LMO1: variants seen among roughly 807,000 people sequenced by gnomAD.
LMO1 encodes LIM domain only 1.
In LMO1, 10 loss-of-function variants were observed where a neutral mutation model predicts 18.0. The ratio of observed to expected loss-of-function variants is 0.55; its 90% CI spans 0.34 to 0.94. The LOEUF (loss-of-function observed/expected upper bound fraction) is 0.94, where lower values mean the gene tolerates loss of function less well. Ranked by LOEUF, LMO1 falls within the 40% of genes least tolerant of loss-of-function variation. The pLI is 0.02. For missense variants in LMO1, 183 were observed against 205.7 expected (o/e 0.89, Z 0.68); for synonymous variants, 77 against 77.9 (o/e 0.99, Z 0.06).
At chr11:8,262,749 C>T (rs970573882) in intron 1 of LMO1, among the ~76,000 whole-genome samples, 1 of 152,188 alleles carries the variant, frequency 6.6e-6, no homozygotes. Context: ...AGGCGGCTCT[C>T]TTTCTCACCG....
chr11:8,228,280 G>A lies in LMO1; in HGVS notation c.240-1180C>T, dbSNP rs927943239. 5.9e-5 allele frequency among the ~76,000 whole-genome samples: 9 copies of A among 152,224 alleles called. No homozygotes were observed. The East Asian group carries it at 1.5e-3, about 26-fold the overall frequency. ...ATGTCCCAATGGTCTGAGCCATCCC[G>A]GCTCCTCCTTGCTTCTTTCCTGCAC... On this transcript the variant is annotated intron_variant, in intron 2 of 3. Transcript: ENST00000335790.
intron 1 of LMO1, among the ~76,000 whole-genome samples, chr11:8,246,039 G>A (rs780668236): frequency 1.3e-5 from 2 of 152,066 alleles, no homozygotes; most frequent in Non-Finnish European, 2.9e-5. Context: ...ATCACCAAGC[G>A]GATAGTGCTA....
intron 2 of LMO1, among the ~76,000 whole-genome samples, chr11:8,229,501 G>T (rs1215762984): frequency 6.6e-6 from 1 of 152,226 alleles, no homozygotes; most frequent in Admixed American, 6.5e-5. Context: ...GCCAAATGCA[G>T]GTGCTGGGTC....
chr11:8,250,891 T>G (rs1358952867), intron 1 of LMO1, among the ~76,000 whole-genome samples: 1 of 152,232 alleles, frequency 6.6e-6, no homozygotes, highest in Non-Finnish European at 1.5e-5. Context: ...TTCCACTCAC[T>G]GGCCTCCAGG....
At chr11:8,252,269 G>C (rs973381557) in intron 1 of LMO1, among the ~76,000 whole-genome samples, 5 of 152,188 alleles carry the variant, frequency 3.3e-5, no homozygotes, top group Non-Finnish European at 5.9e-5. Flanking sequence ...CCTCCCAAGG[G>C]TGTTGTGAAG....
intron 1 of LMO1, among the ~76,000 whole-genome samples, chr11:8,242,959 C>T (rs567062730): frequency 6.6e-6 from 1 of 152,318 alleles, no homozygotes; most frequent in East Asian, 1.9e-4. Flanking sequence ...AAGAGGGGAC[C>T]CTCCCGGCAA....
chr11:8,226,809 A>G, intron 3 of LMO1, 166 bp downstream of exon 3: 5 of 1,315,996 alleles, frequency 3.8e-6, no homozygotes, highest in Non-Finnish European at 5.0e-6. Context: ...GCTTACACAC[A>G]CATAAAACAC....
At chr11:8,245,705 T>C (rs1229810822) in intron 1 of LMO1, among the ~76,000 whole-genome samples, 1 of 152,256 alleles carries the variant, frequency 6.6e-6, no homozygotes, top group Non-Finnish European at 1.5e-5. Context: ...CATGTACTAT[T>C]CATTTGAATT....
chr11:8,237,834 G>A (rs1454758003), intron 1 of LMO1, among the ~76,000 whole-genome samples: 1 of 152,276 alleles, frequency 6.6e-6, no homozygotes, highest in African/African-American at 2.4e-5. Flanking sequence ...CCCTGAGACT[G>A]TGGGCCCTGC....
chr11:8,245,121 A>G (rs965223429), intron 1 of LMO1, among the ~76,000 whole-genome samples: 22 of 152,176 alleles, frequency 1.4e-4, no homozygotes, highest in African/African-American at 5.3e-4. Context: ...GGATGGGGAA[A>G]CTGAGGCTCA....
intron 2 of LMO1, among the ~76,000 whole-genome samples, chr11:8,228,542 G>C (rs562752285): frequency 6.6e-6 from 1 of 152,100 alleles, no homozygotes; most frequent in Admixed American, 6.6e-5. Context: ...TGCAGAGGGC[G>C]CAGGCTCTGG....
chr11:8,239,316 C>G (rs182151324), intron 1 of LMO1, among the ~76,000 whole-genome samples: 2 of 152,312 alleles, frequency 1.3e-5, no homozygotes, highest in African/African-American at 2.4e-5. Flanking sequence ...GGCACTGTCT[C>G]TGGGTGGACC....
chr11:8,245,097 T>C (rs1846872396), intron 1 of LMO1, among the ~76,000 whole-genome samples: 1 of 152,218 alleles, frequency 6.6e-6, no homozygotes, highest in Non-Finnish European at 1.5e-5. Flanking sequence ...TTGTAATTAT[T>C]GCTTCCATTT....
At chr11:8,238,159 T>A (rs1049043121) in intron 1 of LMO1, among the ~76,000 whole-genome samples, 8 of 152,142 alleles carry the variant, frequency 5.3e-5, no homozygotes, top group African/African-American at 1.2e-4. Flanking sequence ...GAAAACAACA[T>A]AAATGTCCAT....
intron 1 of LMO1, among the ~76,000 whole-genome samples, chr11:8,236,147 C>G (rs1200236249): frequency 6.6e-6 from 1 of 152,066 alleles, no homozygotes; most frequent in African/African-American, 2.4e-5. Flanking sequence ...CTCCAGGACC[C>G]TCTGGCTGCT....
chr11:8,268,521 C>G, upstream of LMO1: 1 of 1,256,358 alleles, frequency 8.0e-7, no homozygotes, highest in Non-Finnish European at 1.0e-6. Context: ...CGCCGCCGGC[C>G]GCCTGCGCTG....
Position 8,224,495 on chromosome 11 carries a change from A to G in LMO1, c.*121T>C. The stretch of plus-strand genomic sequence containing the variant: ...CCATCCCTCCCATCGAGGACGGAGA[A>G]GTTCTAATGTGGCAGGAGAGCGGCT... On this transcript the variant is annotated 3_prime_UTR_variant, in exon 4 of 4. Transcript: ENST00000335790. The G allele has an allele frequency of 1.5e-6, 1 of 647,562 alleles. No homozygotes were observed. Among genetic ancestry groups the G allele is most frequent in the Non-Finnish European group, 2.8e-6 (1 of 362,550 alleles). 40.1% of individuals were successfully genotyped at this position (647,562 alleles called of 1,614,324 possible). A position where few individuals can be genotyped will look rare whatever the true frequency, so the allele number is the denominator to read the frequency against.
intron 3 of LMO1, 102 bp downstream of exon 3, chr11:8,226,873 A>G: frequency 6.8e-7 from 1 of 1,462,530 alleles, no homozygotes. Context: ...CACACACGCA[A>G]CCCGCATTTG....
chr11:8,265,001 T>C (rs1200157738), upstream of LMO1, among the ~76,000 whole-genome samples: 1 of 152,234 alleles, frequency 6.6e-6, no homozygotes, highest in Non-Finnish European at 1.5e-5. Context: ...CAAGGTGGGA[T>C]AGAAATAATG....
Sources: gnomAD v4.1 joint callset for allele counts (sites outside exome capture counted in the v4.1 genomes callset) on GRCh38, gnomAD v4.1.1 for gene constraint, MANE v1.5 for transcripts, NCBI Gene and HGNC (gene_info 2026-07-23, HGNC 2026-07-21) for gene names.